Variants in MFSD1 observed in about 807,000 individuals in gnomAD.
MFSD1 encodes major facilitator superfamily domain containing 1, also known as lysosomal dipeptide transporter MFSD1.
MFSD1 carries 59 observed loss-of-function variants against 67.1 expected under a neutral mutation model. That is an observed-to-expected ratio of 0.88 (90% CI 0.71 to 1.09). MFSD1 has a LOEUF of 1.09. Ranked by LOEUF, MFSD1 falls within the 50% of genes least tolerant of loss-of-function variation. The pLI is 0.00. For missense variants in MFSD1, 552 were observed against 566.1 expected (o/e 0.97, Z 0.25); for synonymous variants, 213 against 200.3 (o/e 1.06, Z -0.54).
intron 9 of MFSD1, among the ~76,000 whole-genome samples, chr3:158,820,639 G>T (rs1730624186): frequency 6.6e-6 from 1 of 152,214 alleles, no homozygotes; most frequent in African/African-American, 2.4e-5. Context: ...GGGCTGGGAA[G>T]GCCTCAGGAA....
intron 7 of MFSD1, among the ~76,000 whole-genome samples, chr3:158,816,125 T>G (rs948108731): frequency 2.6e-5 from 4 of 152,098 alleles, no homozygotes; most frequent in Non-Finnish European, 5.9e-5. Flanking sequence ...CATGTGCATG[T>G]GTCTTTATAG....
chr3:158,806,332 G>A (rs944314601), intron 3 of MFSD1, among the ~76,000 whole-genome samples: 1 of 148,938 alleles, frequency 6.7e-6, no homozygotes, highest in African/African-American at 2.6e-5. Context: ...AGATTGGCAG[G>A]AGATGACAAG....
chr3:158,813,242 G>A (rs572450062), intron 6 of MFSD1, among the ~76,000 whole-genome samples: 1 of 151,594 alleles, frequency 6.6e-6, no homozygotes, highest in African/African-American at 2.4e-5. Flanking sequence ...CTACCGCCTG[G>A]GTTCAAGCTA....
chr3:158,809,638 T>C (rs1327655060), intron 6 of MFSD1, among the ~76,000 whole-genome samples: 1 of 152,178 alleles, frequency 6.6e-6, no homozygotes, highest in Non-Finnish European at 1.5e-5. Context: ...TTCCAGGGAT[T>C]GCAAGCTTGC....
intron 14 of MFSD1, among the ~76,000 whole-genome samples, 162 bp downstream of exon 14, chr3:158,826,224 T>A (rs545175002): frequency 6.6e-6 from 1 of 152,316 alleles, no homozygotes; most frequent in East Asian, 1.9e-4. Flanking sequence ...AATTATGTTT[T>A]CTGGGCCTTC....
Position 158,819,722 on chromosome 3 carries a change from C to T in MFSD1, c.726C>T (p.Ile242=), listed in dbSNP as rs759296345. ...LAYLDQRAER[I]LHKEQGKTGE... is the part of the protein sequence containing the mutation. ...ACTTGGATCAGAGAGCAGAGAGAAT[C>T]CTTCATAAAGAACAAGGAAAAACAG... Residue 242 remains isoleucine, a synonymous_variant, in exon 8 of 16, where the codon ATC becomes ATT. Coordinates refer to ENST00000415822, the MANE Select transcript of MFSD1 (RefSeq NM_022736.4). The T allele has an allele frequency of 6.2e-7, 1 of 1,607,746 alleles. No homozygotes were observed. Among genetic ancestry groups the T allele is most frequent in the Non-Finnish European group, 8.5e-7 (1 of 1,175,674 alleles).
At chr3:158,813,844 G>T in intron 6 of MFSD1, 121 bp from the exon 7 acceptor site, 13 of 424,350 alleles carry the variant, frequency 3.1e-5, no homozygotes, top group South Asian at 3.9e-5. Context: ...TGTCTTTTAA[G>T]GAAATTACCT....
chr3:158,819,242 G>C (rs181405473), intron 7 of MFSD1, among the ~76,000 whole-genome samples: 158 of 152,326 alleles, frequency 1.0e-3, no homozygotes, highest in Non-Finnish European at 2.1e-3. Flanking sequence ...GGAAGGAAGA[G>C]AGATGAAGAG....
chr3:158,802,221 C>T lies in MFSD1; in HGVS notation c.69C>T (p.Ala23=), dbSNP rs756268787. Residue 23 remains alanine (A), a synonymous_variant, in exon 1 of 16, where the codon GCC becomes GCT. Coordinates refer to ENST00000415822, the MANE Select transcript of MFSD1 (RefSeq NM_022736.4). ...GCCCTGACGAGGCCGACAGAGGTGC[C>T]CCGGCCGCCCCTGGAGCCCTGCCGG... is the stretch of plus-strand genomic sequence containing the variant. The part of the protein sequence containing the change: ...AGGPDEADRG[A]PAAPGALPAL... The T allele has an allele frequency of 5.6e-6, 9 of 1,610,680 alleles. No individual in the cohort carries two copies. The South Asian group carries it at 8.8e-5, about 16-fold the overall frequency.
Position 158,802,198 on chromosome 3 carries a change from C to T in MFSD1, c.46C>T (p.Pro16Ser). The T allele has an allele frequency of 2.5e-6, 4 of 1,610,910 alleles. No homozygotes were observed. The highest frequency in any genetic ancestry group is 3.4e-6 in the Non-Finnish European group (4 of 1,179,132). Residue 16 changes from proline to serine, a missense_variant, in exon 1 of 16, where the codon CCT (proline) becomes TCT (serine). By Grantham distance (74) the Pro-to-Ser change is moderately conservative. Coordinates refer to ENST00000415822, the MANE Select transcript of MFSD1 (RefSeq NM_022736.4). ...EEARALLAGG[P>S]DEADRGAPAA... ...AGCGCGGGCGCTCCTGGCAGGCGGCCCTGACGAGGCCGACAGAGGTGCCCC... is the reference window on the plus strand; with the variant it reads ...AGCGCGGGCGCTCCTGGCAGGCGGCTCTGACGAGGCCGACAGAGGTGCCCC...
At position 158,809,246 on chromosome 3, in the gene MFSD1, T is replaced by C. The variant is rs893297079; in HGVS notation, c.508T>C (p.Leu170=). The C allele has an allele frequency of 1.7e-5, 27 of 1,611,262 alleles. No individual in the cohort carries two copies. Among genetic ancestry groups the C allele is most frequent in the Non-Finnish European group, 2.1e-5 (25 of 1,179,122 alleles). Residue 170 remains leucine (L), a synonymous_variant, in exon 6 of 16, where the codon TTA becomes CTA. Transcript: ENST00000415822. The stretch of plus-strand genomic sequence containing the variant: ...TGTGAGCTGGTTTAAAGGCAAAGAA[T>C]TAAACCTGGTGTTTGGACTTCAACT... ...YAVSWFKGKE[L]NLVFGLQLSM...
At chr3:158,826,456 T>G (rs2108238172) in intron 14 of MFSD1, among the ~76,000 whole-genome samples, 1 of 152,084 alleles carries the variant, frequency 6.6e-6, no homozygotes, top group Middle Eastern at 3.4e-3. Context: ...GGTTTAGAAT[T>G]AGAAATTACA....
chr3:158,810,411 C>T (rs977898124), intron 6 of MFSD1, among the ~76,000 whole-genome samples: 7 of 151,934 alleles, frequency 4.6e-5, no homozygotes, highest in African/African-American at 1.7e-4. Context: ...TAATAAGTGT[C>T]GTGAAAATAC....
intron 6 of MFSD1, among the ~76,000 whole-genome samples, chr3:158,809,888 C>T (rs1194119074): frequency 1.3e-5 from 2 of 152,174 alleles, no homozygotes; most frequent in East Asian, 3.8e-4. Flanking sequence ...GATCTCAGCT[C>T]CCTTACCATG....
chr3:158,821,840 C>T (rs1399692849), intron 10 of MFSD1, 144 bp from the exon 11 acceptor site: 20 of 1,043,634 alleles, frequency 1.9e-5, no homozygotes, highest in Non-Finnish European at 2.8e-5. Flanking sequence ...AAGTCTTGAA[C>T]TGCTTTTTAT....
intron 3 of MFSD1, among the ~76,000 whole-genome samples, chr3:158,805,863 G>GT (rs1355097162): frequency 6.6e-6 from 1 of 152,184 alleles, no homozygotes; most frequent in Non-Finnish European, 1.5e-5. Context: ...TTGCAAGGTG[G>GT]TTATGAGGAT....
intron 2 of MFSD1, 134 bp downstream of exon 2, chr3:158,804,505 C>T: frequency 1.7e-6 from 1 of 595,124 alleles, no homozygotes; most frequent in Non-Finnish European, 2.9e-6. Context: ...TCACCAAATC[C>T]ACAAGTTGCA....
At chr3:158,807,344 A>G in intron 4 of MFSD1, 52 bp from the exon 5 acceptor site, 1 of 1,412,494 alleles carries the variant, frequency 7.1e-7, no homozygotes, top group East Asian at 2.3e-5. Context: ...GCTTCTCTTT[A>G]ATACTTTGAA....
intron 7 of MFSD1, among the ~76,000 whole-genome samples, chr3:158,816,005 C>A (rs1188012229): frequency 1.1e-4 from 17 of 151,860 alleles, no homozygotes; most frequent in South Asian, 2.1e-4. Context: ...ATGGCTGCAT[C>A]GTATTCCATG....
Sources: gnomAD v4.1 joint callset for allele counts (sites outside exome capture counted in the v4.1 genomes callset) on GRCh38, gnomAD v4.1.1 for gene constraint, MANE v1.5 for transcripts, NCBI Gene and HGNC (gene_info 2026-07-23, HGNC 2026-07-21) for gene names.